Variants in WWOX observed in about 807,000 individuals in gnomAD.
The protein encoded by WWOX is WW domain containing oxidoreductase, also known as WW domain-containing oxidoreductase.
Under a neutral mutation model 46.2 loss-of-function variants are expected in WWOX, and 69 were observed. That is an observed-to-expected ratio of 1.49 (90% CI 1.23 to 1.82). The LOEUF (loss-of-function observed/expected upper bound fraction) is 1.82, where lower values mean the gene tolerates loss of function less well. Among genes scored for constraint, WWOX ranks in the 40% most tolerant of loss-of-function variants. WWOX has a pLI of 0.00. For missense variants in WWOX, 919 were observed against 542.6 expected, an observed-to-expected ratio of 1.69 and a Z score of -6.89; for synonymous variants, 359 against 202.6, an observed-to-expected ratio of 1.77 and a Z score of -6.56.
chr16:78,223,343 C>A (rs1347372172), intron 5 of WWOX, among the ~76,000 whole-genome samples: 1 of 152,060 alleles, frequency 6.6e-6, no homozygotes, highest in Non-Finnish European at 1.5e-5. Flanking sequence ...ATTGTCTGGC[C>A]CCAAAAGTCA....
intron 4 of WWOX, among the ~76,000 whole-genome samples, chr16:78,133,562 AT>A (rs747768337): frequency 6.6e-6 from 1 of 151,786 alleles, no homozygotes; most frequent in African/African-American, 2.4e-5. Context: ...TGCCTAGCTG[AT>A]TTTTGTATTT....
At chr16:78,703,962 T>C (rs894464550) in intron 8 of WWOX, among the ~76,000 whole-genome samples, 1 of 152,160 alleles carries the variant, frequency 6.6e-6, no homozygotes, top group Non-Finnish European at 1.5e-5. Flanking sequence ...TATTTATCAT[T>C]TTAACCATTT....
At chr16:78,219,218 C>G (rs1199012042) in intron 5 of WWOX, among the ~76,000 whole-genome samples, 1 of 151,824 alleles carries the variant, frequency 6.6e-6, no homozygotes, top group African/African-American at 2.4e-5. Context: ...AAAAAAATCA[C>G]TGGATTTGAA....
intron 6 of WWOX, among the ~76,000 whole-genome samples, chr16:78,405,198 C>T (rs1364584065): frequency 1.3e-5 from 2 of 152,136 alleles, no homozygotes; most frequent in Admixed American, 6.5e-5. Context: ...CTGGAATTCA[C>T]TATAAGAAGT....
chr16:78,943,660 G>A (rs898766940), intron 8 of WWOX, among the ~76,000 whole-genome samples: 1 of 152,210 alleles, frequency 6.6e-6, no homozygotes, highest in African/African-American at 2.4e-5. Flanking sequence ...AAAAAATCCA[G>A]AAGAGTGTAG....
intron 8 of WWOX, among the ~76,000 whole-genome samples, chr16:78,656,273 C>T (rs1037334923): frequency 1.3e-5 from 2 of 152,054 alleles, no homozygotes; most frequent in African/African-American, 4.8e-5. Context: ...TCTGATGAGG[C>T]CTTTTTTGGG....
At chr16:78,720,387 G>A (rs1017175725) in intron 8 of WWOX, among the ~76,000 whole-genome samples, 5 of 146,214 alleles carry the variant, frequency 3.4e-5, no homozygotes, top group East Asian at 1.9e-4. Context: ...GCTTGCCAAT[G>A]GTCAGATCTG....
intron 5 of WWOX, among the ~76,000 whole-genome samples, chr16:78,386,515 C>T (rs575546087): frequency 5.3e-5 from 8 of 152,114 alleles, no homozygotes; most frequent in Admixed American, 1.3e-4. Context: ...GAGGCGTTGT[C>T]GTGCATTCCC....
chr16:78,856,774 C>T (rs899031978), intron 8 of WWOX, among the ~76,000 whole-genome samples: 5 of 152,156 alleles, frequency 3.3e-5, no homozygotes, highest in Admixed American at 6.5e-5. Context: ...CACATATTCA[C>T]GAACATACAC....
chr16:78,428,432 C>A (rs982650487), intron 7 of WWOX, among the ~76,000 whole-genome samples: 1 of 152,152 alleles, frequency 6.6e-6, no homozygotes, highest in Non-Finnish European at 1.5e-5. Flanking sequence ...GACTATCTGC[C>A]CAGGAGACAG....
Position 78,895,350 on chromosome 16 carries a change from C to G in WWOX, c.1057-316258C>G, listed in dbSNP as rs569042606. Reference sequence around the variant, plus strand: ...GCATACAACATCTTCCTTTCTCATTCCCAGTACCCTAGAAACACAGCCGTT... The same window carrying G: ...GCATACAACATCTTCCTTTCTCATTGCCAGTACCCTAGAAACACAGCCGTT... On this transcript the variant is annotated intron_variant, in intron 8 of 8. Coordinates refer to ENST00000566780, the MANE Select transcript of WWOX (RefSeq NM_016373.4). 5 of 152,132 alleles carry G rather than the reference C, an allele frequency of 3.3e-5. No individual in the cohort carries two copies. In the East Asian group the frequency reaches 9.7e-4, roughly 29 times the overall value. 9.4% of individuals were successfully genotyped at this position (152,132 alleles called of 1,614,324 possible). A position where few individuals can be genotyped will look rare whatever the true frequency, so the allele number is the denominator to read the frequency against.
At chr16:79,183,337 G>A (rs1249734904) in intron 8 of WWOX, among the ~76,000 whole-genome samples, 1 of 152,210 alleles carries the variant, frequency 6.6e-6, no homozygotes, top group Non-Finnish European at 1.5e-5. Context: ...GGAAAAAAAT[G>A]AGAGGAGGGA....
chr16:78,603,808 G>A (rs2045681160), intron 8 of WWOX, among the ~76,000 whole-genome samples: 1 of 152,170 alleles, frequency 6.6e-6, no homozygotes, highest in Non-Finnish European at 1.5e-5. Context: ...ACAAGTGACT[G>A]ACCACTCTCC....
chr16:78,233,690 C>G (rs886926202), intron 5 of WWOX, among the ~76,000 whole-genome samples: 10 of 152,004 alleles, frequency 6.6e-5, no homozygotes, highest in Admixed American at 5.2e-4. Flanking sequence ...CTACACCTGG[C>G]TAATTTTTTT....
chr16:78,959,751 C>T (rs918830708), intron 8 of WWOX, among the ~76,000 whole-genome samples: 1 of 152,156 alleles, frequency 6.6e-6, no homozygotes, highest in African/African-American at 2.4e-5. Flanking sequence ...TGACCAAATG[C>T]CCATATTGAT....
At chr16:78,301,681 G>C (rs549133812) in intron 5 of WWOX, among the ~76,000 whole-genome samples, 6 of 152,250 alleles carry the variant, frequency 3.9e-5, no homozygotes, top group African/African-American at 1.4e-4. Flanking sequence ...AGACCTCAGG[G>C]CTGTTTGCCT....
At chr16:78,623,373 A>G (rs1298305113) in intron 8 of WWOX, among the ~76,000 whole-genome samples, 2 of 152,132 alleles carry the variant, frequency 1.3e-5, no homozygotes, top group Admixed American at 1.3e-4. Context: ...GAATTTGATG[A>G]TCTTATAAGA....
chr16:79,169,254 TG>T (rs1190193077), intron 8 of WWOX, among the ~76,000 whole-genome samples: 1 of 135,390 alleles, frequency 7.4e-6, no homozygotes, highest in Non-Finnish European at 1.6e-5. Flanking sequence ...GACAGTAGTT[TG>T]TTTTTAGCAC....
At chr16:78,767,508 G>GTA (rs2049952683) in intron 8 of WWOX, among the ~76,000 whole-genome samples, 1 of 149,474 alleles carries the variant, frequency 6.7e-6, no homozygotes, top group South Asian at 2.1e-4. Flanking sequence ...GTGTGTGTGT[G>GTA]TTTGAATAAT....
Sources: allele counts gnomAD v4.1 joint callset (sites outside exome capture counted in the v4.1 genomes callset), GRCh38; gene constraint gnomAD v4.1.1; transcripts MANE v1.5; gene names NCBI Gene and HGNC (gene_info 2026-07-23, HGNC 2026-07-21).